The following SRSF12 variants were observed in gnomAD, a reference collection of about 807,000 sequenced individuals.
SRSF12 encodes serine/arginine-rich splicing factor 12.
Under a neutral mutation model 34.1 loss-of-function variants are expected in SRSF12, and 21 were observed. That is an observed-to-expected ratio of 0.62 (90% CI 0.44 to 0.89). The LOEUF (loss-of-function observed/expected upper bound fraction) is 0.89, where lower values mean the gene tolerates loss of function less well. Ranked by LOEUF, SRSF12 falls within the 40% of genes least tolerant of loss-of-function variation. SRSF12 has a pLI of 0.00. For missense variants in SRSF12, 278 were observed against 327.8 expected (o/e 0.85, Z 1.17); for synonymous variants, 111 against 110.8 (o/e 1.00, Z -0.01).
Position 89,098,619 on chromosome 6 carries a change from G to C in SRSF12, c.745C>G (p.His249Asp). The change falls in exon 5 of 5, where the codon CAT becomes GAT. Residue 249 changes from histidine to aspartate, a missense_variant. Transcript: ENST00000452027. ...QTAKHSHFRS[H>D]SRSRSYRHKN... ...TGACGATAACTTCGAGATCTGGAAT[G>C]TGACCGAAAATGAGAATGCTTTGCT... 6.2e-7 allele frequency: 1 copy of C among 1,613,720 alleles called. No individual in the cohort carries two copies. The highest frequency in any genetic ancestry group is 8.5e-7 in the Non-Finnish European group (1 of 1,179,672).
At chr6:89,117,311 A>G (rs139521688) in intron 1 of SRSF12, among the ~76,000 whole-genome samples, 57 of 152,344 alleles carry the variant, frequency 3.7e-4, no homozygotes, top group Non-Finnish European at 6.3e-4. Context: ...CACCGTCTGT[A>G]AGTAGACCAG....
intron 1 of SRSF12, among the ~76,000 whole-genome samples, chr6:89,107,667 T>G (rs1033136714): frequency 6.6e-6 from 1 of 151,586 alleles, no homozygotes; most frequent in African/African-American, 2.4e-5. Flanking sequence ...CATGGGGAGG[T>G]TGAGGCTGCA....
chr6:89,107,558 C>T lies in SRSF12; in HGVS notation c.66-300G>A, dbSNP rs953035245. On this transcript the variant is annotated intron_variant, in intron 1 of 4. Transcript: ENST00000452027. ...CAGCCTGGGCAACATGGTGAAACCCCGTCTCTACAAAAAAATACAAAAATC... is the reference window on the plus strand; with the variant it reads ...CAGCCTGGGCAACATGGTGAAACCCTGTCTCTACAAAAAAATACAAAAATC... Among the ~76,000 whole-genome samples the T allele has an allele frequency of 7.2e-5, 11 of 151,986 alleles. No homozygotes were observed. The South Asian group carries it at 1.9e-3, about 26-fold the overall frequency.
Position 89,117,811 on chromosome 6 carries a change from G to A in SRSF12, c.65+12C>T, listed in dbSNP as rs1251250378. 3.2e-6 allele frequency: 5 copies of A among 1,548,602 alleles called. No individual in the cohort carries two copies. Among genetic ancestry groups the A allele is most frequent in the Non-Finnish European group, 4.3e-6 (5 of 1,150,852 alleles). On this transcript the variant is annotated intron_variant, in intron 1 of 4. Transcript: ENST00000452027. ...TCCTCCGCGCCCCCAACCTGCAGCC[G>A]CGGCCGTTCACCTGGTGGCGTCCGC...
chr6:89,108,571 T>C (rs971541952), intron 1 of SRSF12, among the ~76,000 whole-genome samples: 13 of 152,204 alleles, frequency 8.5e-5, no homozygotes, highest in African/African-American at 3.1e-4. Context: ...TCATAAAATG[T>C]GGCTCGGGAG....
intron 2 of SRSF12, 95 bp downstream of exon 2, chr6:89,107,059 G>T: frequency 1.7e-6 from 2 of 1,167,032 alleles, no homozygotes; most frequent in Non-Finnish European, 2.6e-6. Context: ...ATTTAATTAG[G>T]CAATATTAAT....
chr6:89,115,501 C>G (rs888547083), intron 1 of SRSF12, among the ~76,000 whole-genome samples: 2 of 151,942 alleles, frequency 1.3e-5, no homozygotes, highest in South Asian at 4.1e-4. Flanking sequence ...AGGTTGGTCT[C>G]GAACCCCTCA....
At chr6:89,103,269 A>T (rs994318957) in intron 4 of SRSF12, among the ~76,000 whole-genome samples, 4 of 152,198 alleles carry the variant, frequency 2.6e-5, no homozygotes, top group Non-Finnish European at 5.9e-5. Flanking sequence ...ATTTAAATCA[A>T]GCAAGAGAAA....
chr6:89,112,304 T>A (rs1227390338), intron 1 of SRSF12, among the ~76,000 whole-genome samples: 1 of 152,228 alleles, frequency 6.6e-6, no homozygotes, highest in Non-Finnish European at 1.5e-5. Context: ...TTTTAGTGTC[T>A]TCTGCTTTTA....
chr6:89,110,016 A>G (rs1768970566), intron 1 of SRSF12, among the ~76,000 whole-genome samples: 1 of 152,208 alleles, frequency 6.6e-6, no homozygotes, highest in African/African-American at 2.4e-5. Context: ...GTGTGAACCC[A>G]GGAGGCGGAG....
chr6:89,118,039 C>A lies in SRSF12; in HGVS notation c.-152G>T, dbSNP rs1245532928. The A allele has an allele frequency of 1.9e-5, 12 of 640,368 alleles. No individual in the cohort carries two copies. Among genetic ancestry groups the A allele is most frequent in the Non-Finnish European group, 2.8e-5 (12 of 436,092 alleles). The allele number at this position is 640,368 out of a possible 1,614,324, so 39.7% of individuals were successfully genotyped here. A position where few individuals can be genotyped will look rare whatever the true frequency, so the allele number is the denominator to read the frequency against. Reference sequence around the variant, plus strand: ...CCCGCCAGCGCGCAGCCGCAGAGGCCGGCGCAGAGGGGGCGCAGCGCGGCG... The same window carrying A: ...CCCGCCAGCGCGCAGCCGCAGAGGCAGGCGCAGAGGGGGCGCAGCGCGGCG... On this transcript the variant is annotated 5_prime_UTR_variant, in exon 1 of 5. Coordinates refer to ENST00000452027, the MANE Select transcript of SRSF12 (RefSeq NM_080743.5).
At chr6:89,102,449 A>G (rs1768581237) in intron 4 of SRSF12, among the ~76,000 whole-genome samples, 1 of 152,048 alleles carries the variant, frequency 6.6e-6, no homozygotes, top group South Asian at 2.1e-4. Flanking sequence ...ATTTTTTATT[A>G]TATATTTATA....
intron 1 of SRSF12, among the ~76,000 whole-genome samples, chr6:89,113,533 T>A (rs950163369): frequency 3.3e-5 from 5 of 152,098 alleles, no homozygotes; most frequent in Admixed American, 3.3e-4. Flanking sequence ...CATCTCGAAC[T>A]CCTGACCTCA....
intron 1 of SRSF12, among the ~76,000 whole-genome samples, chr6:89,112,444 TTTC>T (rs1369968795): frequency 4.1e-5 from 6 of 147,098 alleles, no homozygotes; most frequent in Non-Finnish European, 3.0e-5. Context: ...TTTTCTTTTC[TTTC>T]TTTTTTTTTT....
chr6:89,108,158 G>A (rs1768881351), intron 1 of SRSF12, among the ~76,000 whole-genome samples: 1 of 152,106 alleles, frequency 6.6e-6, no homozygotes, highest in Non-Finnish European at 1.5e-5. Flanking sequence ...GTGCGATTAG[G>A]TGCTTCAGAA....
intron 1 of SRSF12, among the ~76,000 whole-genome samples, chr6:89,115,092 G>T (rs960701889): frequency 6.7e-6 from 1 of 149,522 alleles, no homozygotes; most frequent in African/African-American, 2.5e-5. Flanking sequence ...CACCACGCCC[G>T]GCCACAGCTT....
In SRSF12 at chr6:89,096,689, G is replaced by C. The variant is rs1768295503; in HGVS notation, c.*1889C>G. 1 of 151,968 alleles carries C rather than the reference G, an allele frequency of 6.6e-6. No homozygotes were observed. The highest frequency in any genetic ancestry group is 2.1e-4 in the South Asian group (1 of 4,820). The allele number at this position is 151,968 out of a possible 1,614,324, so 9.4% of individuals were successfully genotyped here. ...TTATTATTATTTTTATAGATAAAGG[G>C]GTCTTGCTATGTTGCCCAGGCTGGT... On this transcript the variant is annotated 3_prime_UTR_variant, in exon 5 of 5. Coordinates refer to ENST00000452027, the MANE Select transcript of SRSF12 (RefSeq NM_080743.5).
rs1208156886 is a variant in SRSF12 at position 89,098,184 on chromosome 6, T to TTATA, written c.*390_*393dup. Reference sequence around the variant, plus strand: ...AACAGCTTAAGTCTGCTCTATGCAATTATACAGTCATAGTTACTTTTTACA... The same window carrying TTATA: ...AACAGCTTAAGTCTGCTCTATGCAATTATATATACAGTCATAGTTACTTTTTACA... On this transcript the variant is annotated 3_prime_UTR_variant, in exon 5 of 5. Transcript: ENST00000452027. The TTATA allele has an allele frequency of 3.8e-5, 6 of 158,560 alleles. No homozygotes were observed. Among genetic ancestry groups the TTATA allele is most frequent in the Non-Finnish European group, 8.3e-5 (6 of 72,438 alleles). 9.8% of individuals were successfully genotyped at this position (158,560 alleles called of 1,614,324 possible). A position where few individuals can be genotyped will look rare whatever the true frequency, so the allele number is the denominator to read the frequency against.
chr6:89,113,149 A>G (rs185233899), intron 1 of SRSF12, among the ~76,000 whole-genome samples: 52 of 152,228 alleles, frequency 3.4e-4, no homozygotes, highest in Admixed American at 1.8e-3. Context: ...ATAATTTTAC[A>G]TATGTTTTAT....
Sources: allele counts gnomAD v4.1 joint callset (sites outside exome capture counted in the v4.1 genomes callset), GRCh38; gene constraint gnomAD v4.1.1; transcripts MANE v1.5; gene names NCBI Gene and HGNC (gene_info 2026-07-23, HGNC 2026-07-21).